Variants in MPPED2 observed in about 807,000 individuals in gnomAD.
The protein encoded by MPPED2 is metallophosphoesterase domain containing 2, also known as metallophosphoesterase MPPED2.
A neutral mutation model predicts 33.0 loss-of-function variants in MPPED2; 5 were observed. That is an observed-to-expected ratio of 0.15 (90% confidence interval 0.08 to 0.32). MPPED2 has a LOEUF of 0.32. Among genes scored for constraint, MPPED2 ranks in the 10% least tolerant of loss-of-function variants. MPPED2 has a pLI of 1.00. For synonymous variants in MPPED2, 136 were observed against 141.9 expected, an observed-to-expected ratio of 0.96 and a Z score of 0.29; for missense variants, 275 against 372.1, an observed-to-expected ratio of 0.74 and a Z score of 2.15.
At chr11:30,528,138 T>C (rs201139991) in intron 3 of MPPED2, among the ~76,000 whole-genome samples, 1 of 151,414 alleles carries the variant, frequency 6.6e-6, no homozygotes, top group South Asian at 2.1e-4. Context: ...TTATACACAA[T>C]ACACACACAC....
intron 2 of MPPED2, among the ~76,000 whole-genome samples, chr11:30,541,282 A>T (rs1955095929): frequency 6.6e-6 from 1 of 152,216 alleles, no homozygotes. Flanking sequence ...ACTCACAAAA[A>T]ATATGATAAT....
chr11:30,565,837 T>G (rs1956419309), intron 2 of MPPED2, among the ~76,000 whole-genome samples: 2 of 152,178 alleles, frequency 1.3e-5, no homozygotes, highest in Admixed American at 6.5e-5. Flanking sequence ...CACCCACAAT[T>G]AGAACTCCAT....
At chr11:30,535,943 A>T (rs1261878282) in intron 3 of MPPED2, 51 bp downstream of exon 3, 3 of 1,488,482 alleles carry the variant, frequency 2.0e-6, no homozygotes, top group Admixed American at 4.3e-5. Context: ...AGTGAGTGAC[A>T]CTCGGACGGG....
intron 3 of MPPED2, among the ~76,000 whole-genome samples, chr11:30,505,316 C>T (rs1371889145): frequency 6.6e-6 from 1 of 152,102 alleles, no homozygotes; most frequent in East Asian, 1.9e-4. Flanking sequence ...CATACTCATT[C>T]ACGCTTATAT....
chr11:30,495,271 G>A, intron 4 of MPPED2, 25 bp downstream of exon 4: 1 of 1,541,974 alleles, frequency 6.5e-7, no homozygotes, highest in Non-Finnish European at 9.0e-7. Context: ...AAGCAATGTG[G>A]AAAACTGTTT....
chr11:30,443,550 A>T (rs983103219), intron 4 of MPPED2, among the ~76,000 whole-genome samples: 2 of 152,080 alleles, frequency 1.3e-5, no homozygotes. Context: ...GGGGAGTGAA[A>T]GCAGACAAGT....
intron 4 of MPPED2, among the ~76,000 whole-genome samples, chr11:30,440,993 G>A (rs971155258): frequency 6.6e-6 from 1 of 152,180 alleles, no homozygotes; most frequent in Admixed American, 6.5e-5. Flanking sequence ...ACTTCTCAGA[G>A]CCTTTAGTAC....
chr11:30,526,179 T>C (rs996084199), intron 3 of MPPED2, among the ~76,000 whole-genome samples: 1 of 152,186 alleles, frequency 6.6e-6, no homozygotes, highest in African/African-American at 2.4e-5. Context: ...CAACTGTTAC[T>C]TGTATTAAGC....
At chr11:30,533,838 ATT>A (rs1333664436) in intron 3 of MPPED2, among the ~76,000 whole-genome samples, 31 of 152,178 alleles carry the variant, frequency 2.0e-4, no homozygotes, top group Non-Finnish European at 3.8e-4. Context: ...TTTCCTTATC[ATT>A]GTATTTCCTT....
intron 1 of MPPED2, among the ~76,000 whole-genome samples, chr11:30,583,246 CAGA>C (rs1564920360): frequency 4.2e-5 from 6 of 143,178 alleles, no homozygotes; most frequent in African/African-American, 1.3e-4. Context: ...TGAAACAAGA[CAGA>C]AGGATACACT....
chr11:30,566,489 C>A (rs1453965151), intron 2 of MPPED2, among the ~76,000 whole-genome samples: 1 of 152,064 alleles, frequency 6.6e-6, no homozygotes, highest in Admixed American at 6.6e-5. Flanking sequence ...CAGCTCCATC[C>A]TGAAAAAAAC....
At chr11:30,555,155 T>A (rs1955906089) in intron 2 of MPPED2, among the ~76,000 whole-genome samples, 2 of 152,302 alleles carry the variant, frequency 1.3e-5, no homozygotes, top group African/African-American at 4.8e-5. Context: ...TTTTAGTCCA[T>A]GTCCTCTGAA....
At chr11:30,508,482 T>C (rs926663344) in intron 3 of MPPED2, among the ~76,000 whole-genome samples, 4 of 152,192 alleles carry the variant, frequency 2.6e-5, no homozygotes, top group African/African-American at 2.4e-5. Context: ...CCAAAATGCA[T>C]AGACCAAACC....
At chr11:30,408,290 G>C (rs935935055), downstream of MPPED2, among the ~76,000 whole-genome samples, 1 of 152,168 alleles carries the variant, frequency 6.6e-6, no homozygotes, top group Non-Finnish European at 1.5e-5. Flanking sequence ...TTGAGGGATA[G>C]GATATATCCC....
chr11:30,576,819 T>C (rs764643332), intron 2 of MPPED2, among the ~76,000 whole-genome samples: 93 of 151,988 alleles, frequency 6.1e-4, no homozygotes, highest in Non-Finnish European at 9.9e-4. Context: ...GGTTAAATTT[T>C]GCTCTGCCAA....
intron 2 of MPPED2, among the ~76,000 whole-genome samples, chr11:30,554,029 A>C (rs1218997943): frequency 6.6e-6 from 1 of 152,198 alleles, no homozygotes; most frequent in Non-Finnish European, 1.5e-5. Context: ...AACAAAAAGT[A>C]CACTCTTCCT....
At chr11:30,575,950 G>A (rs536937537) in intron 2 of MPPED2, among the ~76,000 whole-genome samples, 9 of 152,190 alleles carry the variant, frequency 5.9e-5, no homozygotes, top group Non-Finnish European at 8.8e-5. Flanking sequence ...GAAAGGACAA[G>A]ATTTAGCAAT....
chr11:30,527,327 T>A lies in MPPED2; in HGVS notation c.310+8667A>T, dbSNP rs553841054. ...GTTTCAAAAAATCAGAAATCTTAAA[T>A]GTGTGAACCATGCCTGGAAAGTATT... On this transcript the variant is annotated intron_variant, in intron 3 of 6. Transcript: ENST00000358117. 7.2e-5 allele frequency among the ~76,000 whole-genome samples: 11 copies of A among 152,104 alleles called. No homozygotes were observed. The East Asian group carries it at 2.1e-3, about 29-fold the overall frequency.
rs1950216627 is a variant in MPPED2 at position 30,454,908 on chromosome 11, T to TCC, written c.537-37276_537-37275insGG. Among the ~76,000 whole-genome samples the TCC allele has an allele frequency of 2.6e-5, 4 of 152,200 alleles. No homozygotes were observed. The South Asian group carries it at 8.3e-4, about 31-fold the overall frequency. On this transcript the variant is annotated intron_variant, in intron 4 of 6. Transcript: ENST00000358117. Reference sequence around the variant, plus strand: ...CCTATTCAAGACTGTTAGGGCCTCTTTCAGGTAGTTGTCAGTGCCAAAGGG... The same window carrying TCC: ...CCTATTCAAGACTGTTAGGGCCTCTTCCTCAGGTAGTTGTCAGTGCCAAAGGG...
Sources: allele counts gnomAD v4.1 joint callset (sites outside exome capture counted in the v4.1 genomes callset), GRCh38; gene constraint gnomAD v4.1.1; transcripts MANE v1.5; gene names NCBI Gene and HGNC (gene_info 2026-07-23, HGNC 2026-07-21).